NUCKS1: variants seen among roughly 807,000 people sequenced by gnomAD.
The protein encoded by NUCKS1 is nuclear ubiquitous casein and cyclin-dependent kinase substrate 1.
NUCKS1 carries 2 observed loss-of-function variants against 33.0 expected under a neutral mutation model. The ratio of observed to expected loss-of-function variants is 0.06; its 90% CI spans 0.02 to 0.19. NUCKS1 has a LOEUF of 0.19. Among genes scored for constraint, NUCKS1 ranks in the 10% least tolerant of loss-of-function variants. The pLI, the probability that NUCKS1 is intolerant of heterozygous loss-of-function variation, is 1.00. For missense variants in NUCKS1, 201 were observed against 293.6 expected, an observed-to-expected ratio of 0.68 and a Z score of 2.31; for synonymous variants, 106 against 102.8, an observed-to-expected ratio of 1.03 and a Z score of -0.19.
intron 1 of NUCKS1, among the ~76,000 whole-genome samples, chr1:205,738,303 C>T (rs374125783): frequency 9.2e-5 from 14 of 152,086 alleles, no homozygotes; most frequent in Admixed American, 6.6e-4. Context: ...GCTAGGATTA[C>T]AGGCATGAGC....
At chr1:205,739,221 A>G (rs1654105947) in intron 1 of NUCKS1, among the ~76,000 whole-genome samples, 1 of 152,216 alleles carries the variant, frequency 6.6e-6, no homozygotes, top group Non-Finnish European at 1.5e-5. Context: ...TTCCAAACCT[A>G]TAATCCACAC....
At chr1:205,743,273 GAA>G (rs887600740) in intron 1 of NUCKS1, among the ~76,000 whole-genome samples, 3 of 152,062 alleles carry the variant, frequency 2.0e-5, no homozygotes, top group African/African-American at 7.3e-5. Flanking sequence ...AAGCCAGTGA[GAA>G]AAAGTTTTGA....
chr1:205,720,150 G>GT (rs907660626), intron 5 of NUCKS1, among the ~76,000 whole-genome samples: 9 of 152,074 alleles, frequency 5.9e-5, no homozygotes, highest in African/African-American at 1.4e-4. Flanking sequence ...TTATTAACAT[G>GT]TTTTTTTCTG....
rs572217415 is a variant in NUCKS1 at position 205,733,355 on chromosome 1, G to C, written c.18-3734C>G. 2.6e-5 allele frequency among the ~76,000 whole-genome samples: 4 copies of C among 152,278 alleles called. No individual in the cohort carries two copies. The East Asian group carries it at 7.7e-4, about 29-fold the overall frequency. ...AAAGGAGTAGTAGAGGTACAGCTTAGCTTTAGCAATCACATTAAGTGTAGG... is the reference window on the plus strand; with the variant it reads ...AAAGGAGTAGTAGAGGTACAGCTTACCTTTAGCAATCACATTAAGTGTAGG... On this transcript the variant is annotated intron_variant, in intron 1 of 6. Coordinates refer to ENST00000367142, the MANE Select transcript of NUCKS1 (RefSeq NM_022731.5).
At chr1:205,724,011 TAA>T in intron 3 of NUCKS1, 30 bp from the exon 4 acceptor site, 1 of 1,539,328 alleles carries the variant, frequency 6.5e-7, no homozygotes, top group Non-Finnish European at 9.0e-7. Context: ...AGCAAATGCA[TAA>T]AAGTCTTAGC....
chr1:205,734,837 G>A (rs1653993916), intron 1 of NUCKS1, among the ~76,000 whole-genome samples: 1 of 152,170 alleles, frequency 6.6e-6, no homozygotes, highest in South Asian at 2.1e-4. Context: ...GGAGGTTACA[G>A]TGGGCCAAGA....
intron 1 of NUCKS1, among the ~76,000 whole-genome samples, chr1:205,744,133 T>C (rs1304961659): frequency 6.6e-6 from 1 of 152,208 alleles, no homozygotes; most frequent in Non-Finnish European, 1.5e-5. Context: ...ACAAAAGTTC[T>C]ATTATGAACT....
chr1:205,723,364 G>T (rs1365002762), intron 4 of NUCKS1, among the ~76,000 whole-genome samples: 1 of 151,986 alleles, frequency 6.6e-6, no homozygotes, highest in African/African-American at 2.4e-5. Flanking sequence ...GAATCATCAG[G>T]ACTGAACATT....
chr1:205,746,250 G>A (rs1244140115), intron 1 of NUCKS1, among the ~76,000 whole-genome samples: 1 of 152,052 alleles, frequency 6.6e-6, no homozygotes, highest in Non-Finnish European at 1.5e-5. Flanking sequence ...AGCCGAGATT[G>A]CACCATTGCA....
chr1:205,743,020 A>G (rs923147383), intron 1 of NUCKS1, among the ~76,000 whole-genome samples: 4 of 152,316 alleles, frequency 2.6e-5, no homozygotes, highest in Admixed American at 6.5e-5. Context: ...ACTTTTCAGC[A>G]TGCTCAATAC....
At position 205,750,033 on chromosome 1, in the gene NUCKS1, CGCGCTCGGCGCCCCA is replaced by C; in HGVS notation, c.-75_-61del. ...AAAGACCAGGACCCCCCCCACCCCG[CGCGCTCGGCGCCCCA>C]CCCCCCCCGAACTTCAGCCGATGGG... On this transcript the variant is annotated 5_prime_UTR_variant, in exon 1 of 7. Coordinates refer to ENST00000367142, the MANE Select transcript of NUCKS1 (RefSeq NM_022731.5). 9.6e-7 allele frequency: 1 copy of C among 1,046,218 alleles called. No homozygotes were observed. The highest frequency in any genetic ancestry group is 1.3e-6 in the Non-Finnish European group (1 of 790,106). The allele number at this position is 1,046,218 out of a possible 1,614,324, so 64.8% of individuals were successfully genotyped here. A position where few individuals can be genotyped will look rare whatever the true frequency, so the allele number is the denominator to read the frequency against.
intron 4 of NUCKS1, among the ~76,000 whole-genome samples, chr1:205,723,131 T>C (rs552136480): frequency 2.0e-5 from 3 of 152,170 alleles, no homozygotes; most frequent in Non-Finnish European, 4.4e-5. Context: ...AGCCAGATAG[T>C]ATACTTGAAT....
At chr1:205,720,066 C>T (rs1671893818) in intron 5 of NUCKS1, among the ~76,000 whole-genome samples, 1 of 152,048 alleles carries the variant, frequency 6.6e-6, no homozygotes, top group Non-Finnish European at 1.5e-5. Context: ...ATAAGTGAAA[C>T]AAGAAAACCA....
intron 1 of NUCKS1, among the ~76,000 whole-genome samples, chr1:205,739,406 T>A (rs557289145): frequency 6.6e-6 from 1 of 152,300 alleles, no homozygotes; most frequent in African/African-American, 2.4e-5. Flanking sequence ...GATTAAGAAA[T>A]CTCACATGCA....
At chr1:205,730,214 T>C (rs1162270132) in intron 1 of NUCKS1, among the ~76,000 whole-genome samples, 1 of 151,678 alleles carries the variant, frequency 6.6e-6, no homozygotes, top group African/African-American at 2.4e-5. Flanking sequence ...CTGGCTAATT[T>C]TTTTTCATTT....
At chr1:205,742,681 C>A (rs1040585813) in intron 1 of NUCKS1, among the ~76,000 whole-genome samples, 2 of 152,022 alleles carry the variant, frequency 1.3e-5, no homozygotes, top group African/African-American at 4.8e-5. Flanking sequence ...AAAAATTAGC[C>A]GGGCGTGGTG....
intron 1 of NUCKS1, among the ~76,000 whole-genome samples, chr1:205,732,162 G>A (rs1653930537): frequency 1.3e-5 from 2 of 152,120 alleles, no homozygotes; most frequent in South Asian, 4.1e-4. Context: ...AGGCTCTTAA[G>A]GAGTTCCACC....
intron 1 of NUCKS1, among the ~76,000 whole-genome samples, chr1:205,731,894 T>C (rs1343968147): frequency 3.7e-5 from 5 of 135,102 alleles, no homozygotes; most frequent in Non-Finnish European, 7.9e-5. Flanking sequence ...AGACTCCGTC[T>C]CAAAAAAAAA....
At chr1:205,741,059 G>A (rs562402749) in intron 1 of NUCKS1, among the ~76,000 whole-genome samples, 1 of 151,566 alleles carries the variant, frequency 6.6e-6, no homozygotes, top group East Asian at 1.9e-4. Flanking sequence ...CCCGCCTCAG[G>A]AGGCCGAGGC....
Sources: allele counts gnomAD v4.1 joint callset (sites outside exome capture counted in the v4.1 genomes callset), GRCh38; gene constraint gnomAD v4.1.1; transcripts MANE v1.5; gene names NCBI Gene and HGNC (gene_info 2026-07-23, HGNC 2026-07-21).